Variants in CECR2 observed in about 807,000 individuals in gnomAD.
The protein encoded by CECR2 is chromatin remodeling regulator CECR2.
CECR2 carries 30 observed loss-of-function variants against 154.5 expected under a neutral mutation model. The ratio of observed to expected loss-of-function variants is 0.19; its 90% confidence interval spans 0.15 to 0.26. CECR2 has a LOEUF of 0.26. Ranked by LOEUF, CECR2 falls within the 10% of genes least tolerant of loss-of-function variation. CECR2 has a pLI of 1.00. For synonymous variants in CECR2, 725 were observed against 683.7 expected (o/e 1.06, Z -0.94); for missense variants, 1,743 against 1,829.3 (o/e 0.95, Z 0.86).
At position 17,413,685 on chromosome 22, in the gene CECR2, A is replaced by ATTT. The variant is rs557739803; in HGVS notation, c.126+43778_126+43779insTTT. On this transcript the variant is annotated intron_variant, in intron 1 of 18. Transcript: ENST00000262608. Reference sequence around the variant, plus strand: ...GAGGATTATTATTATTATTATTATTATTATTTTTTGAGATGGAGTCTTGCT... The same window carrying ATTT: ...GAGGATTATTATTATTATTATTATTATTTTTATTTTTTGAGATGGAGTCTTGCT... Among the ~76,000 whole-genome samples the ATTT allele has an allele frequency of 5.9e-3, 890 of 151,542 alleles. 11 individuals are homozygous for ATTT. Among genetic ancestry groups the ATTT allele is most frequent in the African/African-American group, 0.02 (834 of 41,150 alleles).
intron 1 of CECR2, among the ~76,000 whole-genome samples, chr22:17,445,167 A>C (rs898605621): frequency 3.3e-5 from 5 of 152,194 alleles, no homozygotes; most frequent in African/African-American, 1.2e-4. Flanking sequence ...TAAGGGAAGC[A>C]TTATACTTTA....
In CECR2 at chr22:17,542,597, C is replaced by T. The variant is rs752111145; in HGVS notation, c.2454C>T (p.Val818=). The T allele has an allele frequency of 3.1e-6, 5 of 1,613,904 alleles. No homozygotes were observed. The highest frequency in any genetic ancestry group is 1.6e-4 in the Middle Eastern group (1 of 6,062). The change falls in exon 16 of 19, where the codon GTC becomes GTT. Residue 818 remains valine, a synonymous_variant. Transcript: ENST00000262608. ...VMDSRVMRPP[V]PPNQWTEQSG... is the part of the protein sequence containing the mutation. The stretch of plus-strand genomic sequence containing the variant: ...ATTCCCGAGTCATGAGACCACCTGT[C>T]CCCCCCAACCAGTGGACTGAACAAT...
At chr22:17,395,994 C>T (rs2053803410) in intron 1 of CECR2, among the ~76,000 whole-genome samples, 1 of 151,770 alleles carries the variant, frequency 6.6e-6, no homozygotes, top group Admixed American at 6.6e-5. Context: ...AATCCCAGCA[C>T]TTTGGGAGGC....
chr22:17,405,014 C>T (rs1216024026), intron 1 of CECR2, among the ~76,000 whole-genome samples: 1 of 152,144 alleles, frequency 6.6e-6, no homozygotes, highest in Non-Finnish European at 1.5e-5. Flanking sequence ...TGATTTCTGA[C>T]AGAAAAGTTT....
intron 1 of CECR2, among the ~76,000 whole-genome samples, chr22:17,362,856 T>C (rs1283404450): frequency 6.8e-6 from 1 of 147,748 alleles, no homozygotes; most frequent in Non-Finnish European, 1.5e-5. Flanking sequence ...GAGCCGAGAT[T>C]GTGCCACTGA....
Position 17,542,732 on chromosome 22 carries a change from T to G in CECR2, c.2589T>G (p.Phe863Leu). ...PPPVPAPSSLFGAPAQALRGV... is the reference protein window; with the variant it reads ...PPPVPAPSSLLGAPAQALRGV... ...CAGTGCCAGCACCCAGTTCTTTGTT[T>G]GGAGCACCTGCCCAGGCTCTTCGGG... The change falls in exon 16 of 19, where the codon TTT (phenylalanine) becomes TTG (leucine). Residue 863 changes from phenylalanine (F) to leucine (L), a missense_variant. By Grantham distance (22) the Phe-to-Leu change is conservative. Coordinates refer to ENST00000262608, the MANE Select transcript of CECR2 (RefSeq NM_001290047.2). The G allele has an allele frequency of 6.2e-7, 1 of 1,613,998 alleles. No homozygotes were observed. Among genetic ancestry groups the G allele is most frequent in the Non-Finnish European group, 8.5e-7 (1 of 1,179,886 alleles).
At chr22:17,524,019 A>G in intron 8 of CECR2, 99 bp from the exon 9 acceptor site, 1 of 932,514 alleles carries the variant, frequency 1.1e-6, no homozygotes, top group South Asian at 1.7e-5. Flanking sequence ...TCCCTAGCTA[A>G]TATTATTTGT....
chr22:17,517,169 G>T (rs763006401), intron 8 of CECR2, among the ~76,000 whole-genome samples: 1 of 152,224 alleles, frequency 6.6e-6, no homozygotes, highest in East Asian at 1.9e-4. Context: ...GAGCCACCGC[G>T]CCTGGCCAAG....
At chr22:17,375,363 CCT>C (rs1219177632) in intron 1 of CECR2, among the ~76,000 whole-genome samples, 1 of 152,092 alleles carries the variant, frequency 6.6e-6, no homozygotes, top group Non-Finnish European at 1.5e-5. Flanking sequence ...GATCCACCTG[CCT>C]CAGCCTCCCA....
At chr22:17,470,603 T>G (rs774519395) in intron 1 of CECR2, among the ~76,000 whole-genome samples, 104 of 152,166 alleles carry the variant, frequency 6.8e-4, no homozygotes, top group Non-Finnish European at 1.4e-3. Context: ...TTAAAGATAC[T>G]ATAATCTTTT....
chr22:17,395,836 G>A (rs569827764), intron 1 of CECR2, among the ~76,000 whole-genome samples: 75 of 151,992 alleles, frequency 4.9e-4, no homozygotes, highest in Non-Finnish European at 9.0e-4. Context: ...GTAATAAGTT[G>A]TTTATTTTTA....
At chr22:17,470,976 C>G (rs2055117890) in intron 1 of CECR2, among the ~76,000 whole-genome samples, 1 of 152,212 alleles carries the variant, frequency 6.6e-6, no homozygotes, top group East Asian at 1.9e-4. Flanking sequence ...AGAATGATGA[C>G]TCCAAACCTC....
intron 1 of CECR2, among the ~76,000 whole-genome samples, chr22:17,476,418 T>C (rs1428783519): frequency 6.6e-6 from 1 of 152,002 alleles, no homozygotes; most frequent in East Asian, 1.9e-4. Flanking sequence ...CGTGCCACCA[T>C]GCCTGGCTAA....
rs537476899 is a variant in CECR2 at position 17,548,737 on chromosome 22, C to T, written c.3450C>T (p.Ser1150=). ...QGVGPVMGGK[S]PASHPQHFPP... ...TGGGCCCTGTGATGGGAGGGAAGTC[C>T]CCAGCATCCCATCCCCAGCATTTTC... The change falls in exon 17 of 19, where the codon TCC becomes TCT. Residue 1150 remains serine (S), a synonymous_variant. Coordinates refer to ENST00000262608, the MANE Select transcript of CECR2 (RefSeq NM_001290047.2). 6.2e-7 allele frequency: 1 copy of T among 1,613,660 alleles called. No individual in the cohort carries two copies. The highest frequency in any genetic ancestry group is 8.5e-7 in the Non-Finnish European group (1 of 1,179,800).
chr22:17,500,856 G>A, intron 5 of CECR2, 121 bp downstream of exon 5: 1 of 681,224 alleles, frequency 1.5e-6, no homozygotes. Context: ...ACCTGAAACT[G>A]AGTCCTTATG....
chr22:17,510,916 A>G (rs2055937765), intron 7 of CECR2, among the ~76,000 whole-genome samples: 1 of 152,116 alleles, frequency 6.6e-6, no homozygotes, highest in Admixed American at 6.5e-5. Flanking sequence ...GAAACAGAAA[A>G]GCTTTCTAAA....
chr22:17,492,480 A>G (rs1416916914), intron 2 of CECR2, among the ~76,000 whole-genome samples: 1 of 152,188 alleles, frequency 6.6e-6, no homozygotes, highest in East Asian at 1.9e-4. Context: ...TGTCTGGAGC[A>G]AGCTGAGAAA....
chr22:17,523,378 C>CA (rs879394040), intron 8 of CECR2, among the ~76,000 whole-genome samples: 3,253 of 131,980 alleles, frequency 0.025, 104 homozygotes, highest in African/African-American at 0.084. Context: ...GATTCCATCT[C>CA]AAAAAAAAAA....
intron 1 of CECR2, among the ~76,000 whole-genome samples, chr22:17,382,162 T>G (rs534354964): frequency 3.3e-5 from 5 of 151,930 alleles, no homozygotes; most frequent in Non-Finnish European, 7.4e-5. Flanking sequence ...AGTGCTGGGA[T>G]TACAGGCGTG....
Sources: gnomAD v4.1 joint callset for allele counts (sites outside exome capture counted in the v4.1 genomes callset) on GRCh38, gnomAD v4.1.1 for gene constraint, MANE v1.5 for transcripts, NCBI Gene and HGNC (gene_info 2026-07-23, HGNC 2026-07-21) for gene names.